Variants in FER observed in about 807,000 individuals in gnomAD.
FER encodes the protein tyrosine-protein kinase Fer.
Under a neutral mutation model 111.0 loss-of-function variants are expected in FER, and 63 were observed. That is an observed-to-expected ratio of 0.57 (90% CI 0.46 to 0.70). The LOEUF (loss-of-function observed/expected upper bound fraction) is 0.70. Among genes scored for constraint, FER ranks in the 30% least tolerant of loss-of-function variants. The pLI, the probability that FER is intolerant of heterozygous loss-of-function variation, is 0.00. For synonymous variants in FER, 327 were observed against 313.9 expected (o/e 1.04, Z -0.44); for missense variants, 914 against 954.0 (o/e 0.96, Z 0.55).
chr5:108,748,261 A>C (rs764554925), intron 1 of FER: 1 of 152,288 alleles, frequency 6.6e-6, no homozygotes, highest in Non-Finnish European at 1.5e-5. Context: ...GAGGCTGAAA[A>C]GTGCCTATTT....
At chr5:109,031,590 CT>C (rs766329579) in intron 13 of FER, among the ~76,000 whole-genome samples, 1 of 152,116 alleles carries the variant, frequency 6.6e-6, no homozygotes, top group Non-Finnish European at 1.5e-5. Context: ...TCTCCATGGC[CT>C]GGTTAGAAAG....
In FER at chr5:108,832,840, A is replaced by G. The variant is rs1408534354; in HGVS notation, c.278A>G (p.Asn93Ser). The stretch of plus-strand genomic sequence containing the variant: ...ATGAAGACACATGCAGAGGACTTGA[A>G]CTCTGGACCTTTACACAGGCTCACC... ...RIMKTHAEDLNSGPLHRLTMM... is the reference protein window; with the variant it reads ...RIMKTHAEDLSSGPLHRLTMM... Residue 93 changes from asparagine to serine, a missense_variant, in exon 4 of 20, where the codon AAC (asparagine) becomes AGC (serine). Around this residue, in one of 3 missense-constraint regions of FER, gnomAD observed 774 missense variants for 782.6 expected, o/e 0.99. Coordinates refer to ENST00000281092, the MANE Select transcript of FER (RefSeq NM_005246.4). 1 of 1,608,500 alleles carries G rather than the reference A, an allele frequency of 6.2e-7. No individual in the cohort carries two copies. The highest frequency in any genetic ancestry group is 1.1e-5 in the South Asian group (1 of 90,284).
chr5:108,874,356 A>AT (rs928328587), intron 8 of FER, among the ~76,000 whole-genome samples: 7 of 152,204 alleles, frequency 4.6e-5, no homozygotes, highest in Admixed American at 4.6e-4. Context: ...CAAAAATGCA[A>AT]TAAATTGAAG....
intron 13 of FER, among the ~76,000 whole-genome samples, chr5:108,969,675 G>A (rs1357108181): frequency 6.8e-6 from 1 of 146,274 alleles, no homozygotes; most frequent in Admixed American, 6.6e-5. Context: ...TGAAAACATG[G>A]CACCTGTCCT....
chr5:109,032,415 C>T (rs1184712380), intron 13 of FER, among the ~76,000 whole-genome samples: 2 of 152,102 alleles, frequency 1.3e-5, no homozygotes, highest in Non-Finnish European at 2.9e-5. Flanking sequence ...TTATTGGTTG[C>T]CCCCAGTTTC....
rs1229844751 is a variant in FER at position 109,180,817 on chromosome 5, C to T, written c.2119C>T (p.Arg707Cys). 1.1e-5 allele frequency: 18 copies of T among 1,613,434 alleles called. No individual in the cohort carries two copies. The highest frequency in any genetic ancestry group is 2.7e-5 in the African/African-American group (2 of 74,888). The change falls in exon 18 of 20, where the codon CGT (arginine) becomes TGT (cysteine). Residue 707 changes from arginine (R) to cysteine (C), a missense_variant. Around this residue, in one of 3 missense-constraint regions of FER, gnomAD observed 134 missense variants for 149.4 expected, o/e 0.90. Coordinates refer to ENST00000281092, the MANE Select transcript of FER (RefSeq NM_005246.4). ...VLKISDFGMS[R>C]QEDGGVYSSS... ...GAAAATCAGTGACTTTGGAATGTCTCGTCAAGAGGATGGTGGAGTGTATTC... is the reference window on the plus strand; with the variant it reads ...GAAAATCAGTGACTTTGGAATGTCTTGTCAAGAGGATGGTGGAGTGTATTC...
intron 13 of FER, among the ~76,000 whole-genome samples, chr5:109,023,797 T>C (rs1051918075): frequency 3.3e-5 from 5 of 152,034 alleles, no homozygotes; most frequent in African/African-American, 1.2e-4. Context: ...TACTTGTTGA[T>C]TGAATGAATG....
chr5:108,780,289 C>A (rs1753911430), intron 2 of FER, among the ~76,000 whole-genome samples: 1 of 152,070 alleles, frequency 6.6e-6, no homozygotes, highest in Admixed American at 6.6e-5. Flanking sequence ...GATCTACTGG[C>A]AACAAATTCC....
chr5:108,985,939 C>G (rs1176681967), intron 13 of FER, among the ~76,000 whole-genome samples: 1 of 152,178 alleles, frequency 6.6e-6, no homozygotes, highest in African/African-American at 2.4e-5. Context: ...TTCTTTTCCT[C>G]TGGATAGATA....
At chr5:108,922,244 T>C (rs1196577481) in intron 10 of FER, among the ~76,000 whole-genome samples, 1 of 152,202 alleles carries the variant, frequency 6.6e-6, no homozygotes, top group African/African-American at 2.4e-5. Context: ...AAGTTTCTGT[T>C]GTTAGAAGTC....
At chr5:108,823,460 T>C (rs989803101) in intron 3 of FER, among the ~76,000 whole-genome samples, 1 of 152,238 alleles carries the variant, frequency 6.6e-6, no homozygotes, top group Non-Finnish European at 1.5e-5. Context: ...GTCTTTTTTA[T>C]AATAGCCATC....
At chr5:109,087,028 C>T (rs72796561) in intron 16 of FER, among the ~76,000 whole-genome samples, 5,147 of 148,214 alleles carry the variant, frequency 0.035, 100 homozygotes, top group Middle Eastern at 0.11. Flanking sequence ...CTTCATTTTA[C>T]CTGAATTCTC....
intron 8 of FER, among the ~76,000 whole-genome samples, chr5:108,882,664 A>C (rs888825777): frequency 1.4e-4 from 21 of 151,898 alleles, no homozygotes; most frequent in South Asian, 4.2e-4. Flanking sequence ...ATTTTTATAG[A>C]GTTAGATTAT....
rs184955749 is a variant in FER, at chr5:108,982,189, T to C, written c.1656+22842T>C. On this transcript the variant is annotated intron_variant, in intron 13 of 19. Transcript: ENST00000281092. ...GCTTTCTGCGTTTTAATGACACTTC[T>C]AGGTGATTTGGATGTTCCCTAAAGT... 4.4e-3 allele frequency among the ~76,000 whole-genome samples: 664 copies of C among 152,182 alleles called. 4 individuals are homozygous for C. The highest frequency in any genetic ancestry group is 0.015 in the African/African-American group (643 of 41,524).
rs757853477 is a variant in FER at position 108,835,937 on chromosome 5, A to G, written c.481+130A>G. 15 of 491,008 alleles carry G rather than the reference A, an allele frequency of 3.1e-5. No individual in the cohort carries two copies. In the Admixed American group the frequency reaches 3.3e-4, roughly 11 times the overall value. The allele number at this position is 491,008 out of a possible 1,614,324, so 30.4% of individuals were successfully genotyped here. ...TATAAAAAACTCAAAATAAACCCAC[A>G]TTGGCTAATTGTCAAACAGTGTAGT... is the stretch of plus-strand genomic sequence containing the variant. On this transcript the variant is annotated intron_variant, in intron 5 of 19. Coordinates refer to ENST00000281092, the MANE Select transcript of FER (RefSeq NM_005246.4).
At chr5:108,894,726 A>G (rs1043505967) in intron 9 of FER, 2 of 207,316 alleles carry the variant, frequency 9.6e-6, no homozygotes, top group Non-Finnish European at 2.0e-5. Flanking sequence ...AGGCCTCACA[A>G]TCATGGTGGA....
At chr5:109,075,207 G>A (rs1319010785) in intron 16 of FER, among the ~76,000 whole-genome samples, 1 of 151,866 alleles carries the variant, frequency 6.6e-6, no homozygotes, top group Non-Finnish European at 1.5e-5. Flanking sequence ...ATTCTGACTA[G>A]TTAAGACTTA....
intron 13 of FER, among the ~76,000 whole-genome samples, chr5:108,975,528 A>G (rs1382543543): frequency 1.3e-5 from 2 of 152,204 alleles, no homozygotes; most frequent in African/African-American, 2.4e-5. Context: ...GTGCCAAATA[A>G]TAACATTTCA....
rs1362429097 is a variant in FER at position 108,794,622 on chromosome 5, C to G, written c.-59-3502C>G. Among the ~76,000 whole-genome samples, 3 of 141,836 alleles carry G rather than the reference C, an allele frequency of 2.1e-5. No individual in the cohort carries two copies. The East Asian group carries it at 6.2e-4, about 29-fold the overall frequency. The allele number at this position is 141,836 out of a possible 152,430, so 93.0% of individuals were successfully genotyped here. ...TGTTTGTTTGGGAACATCTTTATTT[C>G]TCATTTATGCTTAAAGGATATTTTC... On this transcript the variant is annotated intron_variant, in intron 2 of 19. Transcript: ENST00000281092.
Sources: gnomAD v4.1 joint callset for allele counts (sites outside exome capture counted in the v4.1 genomes callset) on GRCh38, gnomAD v4.1.1 for gene constraint, gnomAD v4.1.1 regional missense constraint, MANE v1.5 for transcripts, NCBI Gene and HGNC (gene_info 2026-07-23, HGNC 2026-07-21) for gene names.